DAB1: variants seen among roughly 807,000 people sequenced by gnomAD.
The protein encoded by DAB1 is disabled homolog 1.
Under a neutral mutation model 64.6 loss-of-function variants are expected in DAB1, and 15 were observed. That is an observed-to-expected ratio of 0.23 (90% confidence interval 0.16 to 0.36). The LOEUF is 0.36. Ranked by LOEUF, DAB1 falls within the 10% of genes least tolerant of loss-of-function variation. The pLI is 1.00. For synonymous variants in DAB1, 235 were observed against 251.9 expected (o/e 0.93, Z 0.64); for missense variants, 596 against 706.7 (o/e 0.84, Z 1.78).
chr1:57,450,457 A>G (rs933578938), intron 7 of DAB1, among the ~76,000 whole-genome samples: 1 of 152,236 alleles, frequency 6.6e-6, no homozygotes, highest in African/African-American at 2.4e-5. Context: ...AGGCTCTACA[A>G]CTTTACTATG....
At chr1:58,255,730 A>C (rs1373306605) in intron 4 of DAB1, among the ~76,000 whole-genome samples, 1 of 152,208 alleles carries the variant, frequency 6.6e-6, no homozygotes, top group Non-Finnish European at 1.5e-5. Context: ...ACGGCAAGAA[A>C]GTCCTTTTGC....
chr1:57,680,788 T>C (rs114151706), intron 6 of DAB1, among the ~76,000 whole-genome samples: 35 of 152,294 alleles, frequency 2.3e-4, no homozygotes, highest in African/African-American at 8.4e-4. Flanking sequence ...GAGAAGATGG[T>C]TGAAAACCAT....
intron 1 of DAB1, chr1:58,533,846 A>C (rs1646474542): frequency 1.6e-5 from 12 of 727,322 alleles, no homozygotes; most frequent in Non-Finnish European, 2.2e-5. Context: ...CAAAACTAAA[A>C]GTCTATCATT....
chr1:57,557,885 T>C (rs988619408), intron 7 of DAB1, among the ~76,000 whole-genome samples: 25 of 152,166 alleles, frequency 1.6e-4, no homozygotes, highest in Non-Finnish European at 3.1e-4. Context: ...AGATTCTATC[T>C]CCCGGCTTCA....
intron 7 of DAB1, among the ~76,000 whole-genome samples, chr1:57,630,130 G>A (rs564281865): frequency 2.0e-5 from 3 of 152,150 alleles, no homozygotes; most frequent in South Asian, 2.1e-4. Flanking sequence ...AAAATAAGAG[G>A]GAGAAATCAC....
At chr1:58,201,332 G>A (rs1395316195) in intron 4 of DAB1, among the ~76,000 whole-genome samples, 1 of 152,058 alleles carries the variant, frequency 6.6e-6, no homozygotes, top group African/African-American at 2.4e-5. Flanking sequence ...GAAGATTCAG[G>A]CAGCAAATAA....
chr1:58,126,623 A>T (rs821534), intron 5 of DAB1, among the ~76,000 whole-genome samples: 1 of 66,280 alleles, frequency 1.5e-5, no homozygotes. Flanking sequence ...CCCACCCCAC[A>T]ACAGTCCCCA....
intron 1 of DAB1, among the ~76,000 whole-genome samples, chr1:57,391,679 T>C (rs146331531): frequency 6.6e-6 from 1 of 152,000 alleles, no homozygotes; most frequent in African/African-American, 2.4e-5. Flanking sequence ...TGCTATCAGA[T>C]GAAAATAACT....
In DAB1 at chr1:57,116,731, T is replaced by C. The variant is rs183879533; in HGVS notation, c.306+19812A>G. Among the ~76,000 whole-genome samples, 13 of 152,258 alleles carry C rather than the reference T, an allele frequency of 8.5e-5. No individual in the cohort carries two copies. The East Asian group carries it at 2.5e-3, about 29-fold the overall frequency. On this transcript the variant is annotated intron_variant, in intron 4 of 14. Coordinates refer to ENST00000371236, the MANE Select transcript of DAB1 (RefSeq NM_001365792.1). ...AAGATGGTGGAAAAAAAGAAGATTA[T>C]AGCCCAATGGCTTCAATACCAGATT... is the stretch of plus-strand genomic sequence containing the variant.
chr1:58,143,367 A>C (rs970246970), intron 5 of DAB1, among the ~76,000 whole-genome samples: 1 of 152,242 alleles, frequency 6.6e-6, no homozygotes, highest in African/African-American at 2.4e-5. Context: ...CCACCAGTGC[A>C]TCTTAAACCA....
chr1:58,203,953 T>C (rs898441758), intron 4 of DAB1, among the ~76,000 whole-genome samples: 1 of 152,202 alleles, frequency 6.6e-6, no homozygotes, highest in African/African-American at 2.4e-5. Flanking sequence ...AGAGCATGCA[T>C]ACAGAAGGCA....
chr1:57,358,474 T>C (rs1679296877), intron 1 of DAB1, among the ~76,000 whole-genome samples: 1 of 151,908 alleles, frequency 6.6e-6, no homozygotes, highest in South Asian at 2.1e-4. Flanking sequence ...ATGAAAAGAA[T>C]AAAGAATTGA....
At chr1:58,098,470 C>T (rs900885057) in intron 5 of DAB1, among the ~76,000 whole-genome samples, 7 of 152,082 alleles carry the variant, frequency 4.6e-5, no homozygotes, top group African/African-American at 1.7e-4. Context: ...AGGATCAATA[C>T]CTCAACTTAC....
At chr1:57,590,606 C>T (rs896851864) in intron 7 of DAB1, among the ~76,000 whole-genome samples, 5 of 152,052 alleles carry the variant, frequency 3.3e-5, no homozygotes, top group African/African-American at 1.2e-4. Flanking sequence ...GCTAGGATTA[C>T]AGGTGTGAGC....
At chr1:58,326,245 A>G (rs1272430744) in intron 4 of DAB1, among the ~76,000 whole-genome samples, 2 of 152,218 alleles carry the variant, frequency 1.3e-5, no homozygotes, top group Non-Finnish European at 1.5e-5. Context: ...CAGATTCAAG[A>G]TGCTCTCTTT....
At chr1:57,244,111 C>T (rs74325016) in intron 2 of DAB1, among the ~76,000 whole-genome samples, 5,208 of 152,250 alleles carry the variant, frequency 0.034, 84 homozygotes, top group Non-Finnish European at 0.039. Flanking sequence ...TGTATTCTCT[C>T]TTAACTACTC....
intron 1 of DAB1, among the ~76,000 whole-genome samples, chr1:57,402,114 G>A (rs984783764): frequency 6.6e-6 from 1 of 152,144 alleles, no homozygotes; most frequent in African/African-American, 2.4e-5. Context: ...TAATTTCACG[G>A]TACAGTAGAT....
intron 2 of DAB1, among the ~76,000 whole-genome samples, chr1:57,167,752 C>A (rs1372908920): frequency 1.3e-5 from 2 of 152,198 alleles, no homozygotes; most frequent in East Asian, 1.9e-4. Context: ...CCTTACCCTG[C>A]CAAGTTAAAG....
chr1:57,559,645 TG>T (rs1013383551), intron 7 of DAB1, among the ~76,000 whole-genome samples: 1 of 152,114 alleles, frequency 6.6e-6, no homozygotes, highest in African/African-American at 2.4e-5. Context: ...TGACTTACAG[TG>T]GGTCCAGTGG....
Sources: gnomAD v4.1 joint callset for allele counts (sites outside exome capture counted in the v4.1 genomes callset) on GRCh38, gnomAD v4.1.1 for gene constraint, MANE v1.5 for transcripts, NCBI Gene and HGNC (gene_info 2026-07-23, HGNC 2026-07-21) for gene names.